The following GRK6 variants were observed in gnomAD, a reference collection of about 807,000 sequenced individuals.
The protein encoded by GRK6 is G protein-coupled receptor kinase 6.
A neutral mutation model predicts 80.8 loss-of-function variants in GRK6; 37 were observed. The observed-to-expected ratio is 0.46, with a 90% CI of 0.35 to 0.60. The LOEUF is 0.60. GRK6 is among the 20% of genes least tolerant of loss of function. The pLI is 0.00. For synonymous variants in GRK6, 295 were observed against 320.9 expected (o/e 0.92, Z 0.86); for missense variants, 560 against 784.6 (o/e 0.71, Z 3.42).
chr5:177,433,705 C>G, intron 8 of GRK6, 29 bp downstream of exon 8: 1 of 1,611,042 alleles, frequency 6.2e-7, no homozygotes, highest in Non-Finnish European at 8.5e-7. Context: ...TCTCCCTTCC[C>G]CTTGGCCACA....
Position 177,440,806 on chromosome 5 carries a change from C to G in GRK6, c.1511C>G (p.Thr504Arg). The change falls in exon 14 of 16, where the codon ACA becomes AGA. Residue 504 changes from threonine to arginine, a missense_variant. Thr to Arg is a moderately conservative substitution (Grantham distance 71). Around this residue, in one of 3 missense-constraint regions of GRK6, gnomAD observed 294 missense variants for 397.4 expected, o/e 0.74. Transcript: ENST00000355472. The stretch of plus-strand genomic sequence containing the variant: ...CAGGACTTCTACCAGAAGTTTGCCA[C>G]AGGCAGTGTGCCCATCCCCTGGCAG... The part of the protein sequence containing the change: ...TDQDFYQKFA[T>R]GSVPIPWQNE... 6.2e-7 allele frequency: 1 copy of G among 1,614,160 alleles called. No homozygotes were observed. Among genetic ancestry groups the G allele is most frequent in the Non-Finnish European group, 8.5e-7 (1 of 1,180,034 alleles).
rs749433938 is a variant in GRK6 at position 177,436,414 on chromosome 5, G to A, written c.1288G>A (p.Glu430Lys). 1.0e-5 allele frequency: 14 copies of A among 1,405,846 alleles called. No individual in the cohort carries two copies. The highest frequency in any genetic ancestry group is 2.3e-5 in the South Asian group (2 of 88,366). The allele number at this position is 1,405,846 out of a possible 1,614,324, so 87.1% of individuals were successfully genotyped here. A position where few individuals can be genotyped will look rare whatever the true frequency, so the allele number is the denominator to read the frequency against. Residue 430 changes from glutamate (E) to lysine (K), a missense_variant, in exon 13 of 16, where the codon GAA (glutamate) becomes AAA (lysine). Around this residue, in one of 3 missense-constraint regions of GRK6, gnomAD observed 294 missense variants for 397.4 expected, o/e 0.74. Coordinates refer to ENST00000355472, the MANE Select transcript of GRK6 (RefSeq NM_001004106.3). ...CSQLLCKDPA[E>K]RLGCRGGSAR... ...ACAGCTCCTCTGCAAGGACCCTGCC[G>A]AACGCCTGGGGTGTCGTGGGGGCAG... is the stretch of plus-strand genomic sequence containing the variant.
rs1056451006 is a variant in GRK6 at position 177,429,680 on chromosome 5, C to T, written c.53-1192C>T. 6.6e-6 allele frequency among the ~76,000 whole-genome samples: 1 copy of T among 152,220 alleles called. No homozygotes were observed. The highest frequency in any genetic ancestry group is 2.1e-4 in the South Asian group (1 of 4,834). The stretch of plus-strand genomic sequence containing the variant: ...GAAGGCAACTTCTGCCCTTGTACCA[C>T]CTGCCCTCACCCAGGCCAGATGGAT... On this transcript the variant is annotated intron_variant, in intron 1 of 15. Coordinates refer to ENST00000355472, the MANE Select transcript of GRK6 (RefSeq NM_001004106.3). The surrounding 1 kb of genome is among the most constrained non-coding windows in gnomAD (Gnocchi z 4.3).
At chr5:177,434,129 G>A in intron 9 of GRK6, 25 bp downstream of exon 9, 1 of 1,522,690 alleles carries the variant, frequency 6.6e-7, no homozygotes, top group Non-Finnish European at 8.8e-7. Flanking sequence ...GCCACCCCAG[G>A]GGCTTAGTCC....
At chr5:177,425,830 TG>T (rs1561648672), upstream of GRK6, among the ~76,000 whole-genome samples, 2 of 152,258 alleles carry the variant, frequency 1.3e-5, no homozygotes, top group Non-Finnish European at 2.9e-5. Context: ...GTTGATTAGC[TG>T]TAAGATTTCA....
intron 12 of GRK6, 53 bp downstream of exon 12, chr5:177,436,334 T>TTCCCAC: frequency 3.2e-6 from 5 of 1,556,014 alleles, no homozygotes; most frequent in South Asian, 1.1e-5. Flanking sequence ...GATGCACCTT[T>TTCCCAC]CCCTCCCTCC....
rs752218455 is a variant in GRK6, at chr5:177,441,638, G to A, written c.1678-99G>A. 228 of 1,016,972 alleles carry A rather than the reference G, an allele frequency of 2.2e-4. 1 individual carries two copies. The highest frequency in any genetic ancestry group is 4.1e-4 in the Admixed American group (24 of 59,074). 63.0% of individuals were successfully genotyped at this position (1,016,972 alleles called of 1,614,324 possible). A position where few individuals can be genotyped will look rare whatever the true frequency, so the allele number is the denominator to read the frequency against. On this transcript the variant is annotated intron_variant, in intron 15 of 15. Coordinates refer to ENST00000355472, the MANE Select transcript of GRK6 (RefSeq NM_001004106.3). ...AGAGTGCACCCCTCAGGCAGCTCCT[G>A]GCCTGCCCTGGCAGGGTCGGCCCCA...
At chr5:177,438,030 G>A (rs7379886) in intron 13 of GRK6, among the ~76,000 whole-genome samples, 4,061 of 152,200 alleles carry the variant, frequency 0.027, 183 homozygotes, top group African/African-American at 0.093. Context: ...AAACAAACCC[G>A]TAAGCCAGAA....
At chr5:177,430,067 G>C (rs1473359126) in intron 1 of GRK6, among the ~76,000 whole-genome samples, 1 of 151,658 alleles carries the variant, frequency 6.6e-6, no homozygotes, top group African/African-American at 2.4e-5. Flanking sequence ...TTTTATGTTA[G>C]AGTCTGCAAT....
rs1038974363 is a variant in GRK6 at position 177,441,931 on chromosome 5, C to A, written c.*141C>A. ...AGACGGAGCTGTCCCCAGTGTCCTC[C>A]GTCCCTCAGCCCCTGGCCTGGCTGA... On this transcript the variant is annotated 3_prime_UTR_variant, in exon 16 of 16. Coordinates refer to ENST00000355472, the MANE Select transcript of GRK6 (RefSeq NM_001004106.3). 4 of 763,290 alleles carry A rather than the reference C, an allele frequency of 5.2e-6. No individual in the cohort carries two copies. Among genetic ancestry groups the A allele is most frequent in the Non-Finnish European group, 8.8e-6 (4 of 455,918 alleles). 47.3% of individuals were successfully genotyped at this position (763,290 alleles called of 1,614,324 possible).
In GRK6 at chr5:177,428,857, A is replaced by C. The variant is rs1763775456; in HGVS notation, c.52+1960A>C. 2.0e-5 allele frequency among the ~76,000 whole-genome samples: 3 copies of C among 152,146 alleles called. No homozygotes were observed. The highest frequency in any genetic ancestry group is 6.5e-5 in the Admixed American group (1 of 15,272). ...GAGCCCAGGCGCCTGGACGGGCTGC[A>C]TCAGAACCACCTCATGAACTGGCTT... On this transcript the variant is annotated intron_variant, in intron 1 of 15. Coordinates refer to ENST00000355472, the MANE Select transcript of GRK6 (RefSeq NM_001004106.3). The surrounding 1 kb of genome is among the most constrained non-coding windows in gnomAD (Gnocchi z 4.1).
chr5:177,430,802 C>T (rs2127371269), intron 1 of GRK6, 70 bp from the exon 2 acceptor site: 5 of 1,381,150 alleles, frequency 3.6e-6, no homozygotes, highest in African/African-American at 1.4e-5. Context: ...AGGCCGTGGA[C>T]CGCACTGAGG....
In GRK6 at chr5:177,436,021, G is replaced by A; in HGVS notation, c.1058-52G>A. ...GTGCACTGGCGTTCCTGGGGCCTGA[G>A]GGTCCACTGCCCGCCTCCTGCCCAG... On this transcript the variant is annotated intron_variant, in intron 11 of 15. Transcript: ENST00000355472. The A allele has an allele frequency of 2.0e-6, 3 of 1,509,850 alleles. No individual in the cohort carries two copies. In the South Asian group the frequency reaches 3.4e-5, roughly 17 times the overall value. The allele number at this position is 1,509,850 out of a possible 1,614,324, so 93.5% of individuals were successfully genotyped here.
In GRK6 at chr5:177,435,120, G is replaced by A. The variant is rs1266199948; in HGVS notation, c.1056G>A (p.Met352Ile). Residue 352 changes from methionine (M) to isoleucine (I), a missense_variant and splice_region_variant, in exon 11 of 16, where the codon ATG (methionine) becomes ATA (isoleucine). Transcript: ENST00000355472. ...IKGRVGTVGY[M>I]APEVVKNERY... is the part of the protein sequence containing the mutation. ...GGCGTGTGGGCACCGTGGGTTACAT[G>A]GGTGAGTCTTCTCTGCCCGGCCCAC... 1 of 1,601,998 alleles carries A rather than the reference G, an allele frequency of 6.2e-7. No individual in the cohort carries two copies. Among genetic ancestry groups the A allele is most frequent in the Non-Finnish European group, 8.5e-7 (1 of 1,172,738 alleles).
chr5:177,440,650 G>A (rs1764436497), intron 13 of GRK6, 50 bp from the exon 14 acceptor site: 9 of 1,602,634 alleles, frequency 5.6e-6, no homozygotes, highest in African/African-American at 1.3e-5. Flanking sequence ...AGCTGCCTTC[G>A]CGTGTGCGTG....
Position 177,436,061 on chromosome 5 carries a change from C to T in GRK6, c.1058-12C>T, listed in dbSNP as rs1333236053. On this transcript the variant is annotated splice_polypyrimidine_tract_variant and intron_variant, in intron 11 of 15. Coordinates refer to ENST00000355472, the MANE Select transcript of GRK6 (RefSeq NM_001004106.3). ...CTCCTGCCCAGCCCTAACTCCCATG[C>T]CGCCCGCCCAGCTCCGGAGGTGGTG... 1.9e-6 allele frequency: 3 copies of T among 1,609,680 alleles called. No homozygotes were observed. In the South Asian group the frequency reaches 3.3e-5, roughly 18 times the overall value.
Position 177,441,480 on chromosome 5 carries a change from G to A in GRK6, c.1678-257G>A. ...CCCCAGGGGAGAGGGCTGGGCAGAG[G>A]CCTTGCCCTGGCAGACCGTGGGATC... is the stretch of plus-strand genomic sequence containing the variant. On this transcript the variant is annotated intron_variant, in intron 15 of 15. Transcript: ENST00000355472. 1.4e-5 allele frequency: 9 copies of A among 626,994 alleles called. No individual in the cohort carries two copies. The South Asian group carries it at 1.7e-4, about 12-fold the overall frequency. 38.8% of individuals were successfully genotyped at this position (626,994 alleles called of 1,614,324 possible). A position where few individuals can be genotyped will look rare whatever the true frequency, so the allele number is the denominator to read the frequency against.
At position 177,441,024 on chromosome 5, in the gene GRK6, G is replaced by A. The variant is rs768636126; in HGVS notation, c.1648G>A (p.Gly550Arg). 6.2e-7 allele frequency: 1 copy of A among 1,613,996 alleles called. No individual in the cohort carries two copies. Among genetic ancestry groups the A allele is most frequent in the Non-Finnish European group, 8.5e-7 (1 of 1,179,986 alleles). ...CCAGCCACCTGCACCTCCTAAAAAG[G>A]GACTGCTGCAGAGACTCTTCAGTCG... is the stretch of plus-strand genomic sequence containing the variant. ...KGQPPAPPKKGLLQRLFSRQD... is the reference protein window; with the variant it reads ...KGQPPAPPKKRLLQRLFSRQD... Residue 550 changes from glycine (G) to arginine (R), a missense_variant, in exon 15 of 16, where the codon GGA becomes AGA. Transcript: ENST00000355472.
At chr5:177,426,450 C>T (rs2127367628), upstream of GRK6, 1 of 152,306 alleles carries the variant, frequency 6.6e-6, no homozygotes, top group East Asian at 1.9e-4. Flanking sequence ...AAATTCGAAC[C>T]TAGGGGCTGA....
Sources: allele counts gnomAD v4.1 joint callset (sites outside exome capture counted in the v4.1 genomes callset), GRCh38; gene constraint gnomAD v4.1.1; regional missense constraint gnomAD v4.1.1; non-coding constraint Gnocchi (gnomAD v3.1); transcripts MANE v1.5; gene names NCBI Gene and HGNC (gene_info 2026-07-23, HGNC 2026-07-21).